Variants in SPATA13 observed in about 807,000 individuals in gnomAD.
The protein encoded by SPATA13 is spermatogenesis associated 13, also known as spermatogenesis-associated protein 13.
SPATA13 carries 50 observed loss-of-function variants against 104.0 expected under a neutral mutation model. The observed-to-expected ratio is 0.48, with a 90% CI of 0.38 to 0.61. The LOEUF is 0.61. Ranked by LOEUF, SPATA13 falls within the 20% of genes least tolerant of loss-of-function variation. The pLI is 0.00. For synonymous variants in SPATA13, 606 were observed against 667.5 expected (o/e 0.91, Z 1.42); for missense variants, 1,524 against 1,690.6 (o/e 0.90, Z 1.73).
At chr13:24,208,797 GA>G (rs1870853426) in intron 1 of SPATA13, among the ~76,000 whole-genome samples, 1 of 152,182 alleles carries the variant, frequency 6.6e-6, no homozygotes, top group Admixed American at 6.6e-5. Context: ...AGAAAGTTCA[GA>G]AAAGTTTCAG....
At chr13:24,293,188 A>G (rs970974266) in intron 9 of SPATA13, among the ~76,000 whole-genome samples, 2 of 150,448 alleles carry the variant, frequency 1.3e-5, no homozygotes, top group African/African-American at 4.9e-5. Flanking sequence ...AGAGCTATAT[A>G]TTTTTTTCTT....
intron 3 of SPATA13, among the ~76,000 whole-genome samples, chr13:24,146,509 C>G (rs1261579615): frequency 6.6e-6 from 1 of 152,186 alleles, no homozygotes; most frequent in African/African-American, 2.4e-5. Flanking sequence ...TAACTAAGTA[C>G]TCTATAATCT....
chr13:24,242,451 A>T (rs1872894285), intron 2 of SPATA13, among the ~76,000 whole-genome samples: 1 of 152,182 alleles, frequency 6.6e-6, no homozygotes. Flanking sequence ...CTATAAAGCC[A>T]TTTTGCATCT....
At chr13:24,064,257 T>G (rs1230501590) in intron 3 of SPATA13, among the ~76,000 whole-genome samples, 1 of 152,178 alleles carries the variant, frequency 6.6e-6, no homozygotes, top group Non-Finnish European at 1.5e-5. Flanking sequence ...ATGGCTACAG[T>G]CTCCGTTTCG....
rs775069534 is a variant in SPATA13, at chr13:24,287,222, G to A, written c.2667+272G>A. On this transcript the variant is annotated intron_variant, in intron 7 of 12. Coordinates refer to ENST00000382108, the MANE Select transcript of SPATA13 (RefSeq NM_001166271.3). ...GTCATGCAGACTGGAGTACAGTGGCGTGGTCATAGCTCACTGCAGCCTCAA... is the reference window on the plus strand; with the variant it reads ...GTCATGCAGACTGGAGTACAGTGGCATGGTCATAGCTCACTGCAGCCTCAA... Among the ~76,000 whole-genome samples, 17 of 152,082 alleles carry A rather than the reference G, an allele frequency of 1.1e-4. 1 individual carries two copies. The highest frequency in any genetic ancestry group is 8.5e-4 in the Admixed American group (13 of 15,262).
chr13:24,184,908 C>T (rs923460899), intron 1 of SPATA13, among the ~76,000 whole-genome samples: 3 of 152,126 alleles, frequency 2.0e-5, no homozygotes, highest in South Asian at 4.1e-4. Flanking sequence ...AGTCAAGCGA[C>T]GGAGTCTACG....
At chr13:24,035,232 G>A (rs1402467652) in intron 3 of SPATA13, among the ~76,000 whole-genome samples, 6 of 152,156 alleles carry the variant, frequency 3.9e-5, no homozygotes. Context: ...TCAGCTCATT[G>A]CTACCTCCAC....
At chr13:24,054,301 C>T (rs1878463709) in intron 3 of SPATA13, among the ~76,000 whole-genome samples, 1 of 152,174 alleles carries the variant, frequency 6.6e-6, no homozygotes, top group African/African-American at 2.4e-5. Context: ...ACTGCAAATC[C>T]ATCTGCAGCC....
chr13:24,151,605 T>G (rs1056137583), intron 3 of SPATA13, among the ~76,000 whole-genome samples: 1 of 151,910 alleles, frequency 6.6e-6, no homozygotes. Context: ...ATTACTGGAG[T>G]TTTTTTTCCT....
chr13:24,119,813 C>A (rs1344267722), intron 3 of SPATA13, among the ~76,000 whole-genome samples: 4 of 152,194 alleles, frequency 2.6e-5, no homozygotes, highest in Non-Finnish European at 5.9e-5. Context: ...ACCCGGCCAG[C>A]CCCCACCGTG....
At chr13:24,242,481 A>G (rs1270813060) in intron 2 of SPATA13, among the ~76,000 whole-genome samples, 1 of 152,216 alleles carries the variant, frequency 6.6e-6, no homozygotes, top group Non-Finnish European at 1.5e-5. Context: ...ACTGCTATAA[A>G]TGGAGGGGTC....
intron 4 of SPATA13, among the ~76,000 whole-genome samples, chr13:24,257,274 A>G (rs1272661542): frequency 6.6e-6 from 1 of 152,128 alleles, no homozygotes; most frequent in Non-Finnish European, 1.5e-5. Context: ...TCGCTGTTAG[A>G]CTTGAGTGGG....
chr13:24,039,010 G>T (rs1455370463), intron 3 of SPATA13, among the ~76,000 whole-genome samples: 1 of 152,212 alleles, frequency 6.6e-6, no homozygotes, highest in African/African-American at 2.4e-5. Flanking sequence ...CATTGCTCCA[G>T]TGCTCACATA....
chr13:24,147,748 C>T (rs1422446903), intron 3 of SPATA13, among the ~76,000 whole-genome samples: 2 of 144,618 alleles, frequency 1.4e-5, no homozygotes, highest in African/African-American at 5.0e-5. Context: ...TAAACATTAA[C>T]TCCCCGTTCC....
chr13:24,296,693 G>A (rs982602776), intron 10 of SPATA13, among the ~76,000 whole-genome samples: 1 of 152,030 alleles, frequency 6.6e-6, no homozygotes. Flanking sequence ...GTCAGCTGCT[G>A]TTTCAGATCT....
At chr13:24,166,528 C>CTA (rs1377057134) in intron 1 of SPATA13, among the ~76,000 whole-genome samples, 1 of 152,120 alleles carries the variant, frequency 6.6e-6, no homozygotes, top group African/African-American at 2.4e-5. Flanking sequence ...ATCTGTATCA[C>CTA]TATAGCCCCA....
intron 3 of SPATA13, among the ~76,000 whole-genome samples, chr13:24,078,261 A>G (rs1879397253): frequency 6.6e-6 from 1 of 152,218 alleles, no homozygotes; most frequent in Admixed American, 6.5e-5. Context: ...CTTTGGAGCC[A>G]GACACGCCTC....
At chr13:24,039,907 C>G (rs1317662439) in intron 3 of SPATA13, among the ~76,000 whole-genome samples, 2 of 152,220 alleles carry the variant, frequency 1.3e-5, no homozygotes, top group African/African-American at 2.4e-5. Context: ...GAGCTCTGAT[C>G]TTCCCTTCTT....
In SPATA13 at chr13:24,178,574, G is replaced by C. The variant is rs144689619; in HGVS notation, c.-112+17642G>C. Among the ~76,000 whole-genome samples, 218 of 152,182 alleles carry C rather than the reference G, an allele frequency of 1.4e-3. 3 individuals carry two copies. In the South Asian group the frequency reaches 0.033, roughly 23 times the overall value. ...CTCTGTGCCATGCATTGCTAGGAAG[G>C]TATTATTATCTGTATAAGAACAAAT... On this transcript the variant is annotated intron_variant, in intron 1 of 12. Coordinates refer to ENST00000382108, the MANE Select transcript of SPATA13 (RefSeq NM_001166271.3).
Sources: allele counts gnomAD v4.1 joint callset (sites outside exome capture counted in the v4.1 genomes callset), GRCh38; gene constraint gnomAD v4.1.1; transcripts MANE v1.5; gene names NCBI Gene and HGNC (gene_info 2026-07-23, HGNC 2026-07-21).